The following CHODL variants were observed in gnomAD, a reference collection of about 807,000 sequenced individuals.
The protein encoded by CHODL is transmembrane protein MT75.
Under a neutral mutation model 34.5 loss-of-function variants are expected in CHODL, and 29 were observed. The observed-to-expected ratio is 0.84, with a 90% CI of 0.63 to 1.15. CHODL has a LOEUF of 1.15. Ranked by LOEUF, CHODL falls within the 50% of genes most tolerant of loss-of-function variation. CHODL has a pLI of 0.00. For missense variants in CHODL, 332 were observed against 332.5 expected (o/e 1.00, Z 0.01); for synonymous variants, 125 against 116.1 (o/e 1.08, Z -0.49).
Position 18,255,377 on chromosome 21 carries a change from C to T in CHODL, c.80-1132C>T, listed in dbSNP as rs149742366. Among the ~76,000 whole-genome samples the T allele has an allele frequency of 3.4e-3, 513 of 152,060 alleles. 2 individuals carry two copies. The highest frequency in any genetic ancestry group is 0.011 in the African/African-American group (457 of 41,526). ...ATACTATTACTTTCAAACTCATAAA[C>T]GAATGAATGGAACATTTCTAAGGTT... On this transcript the variant is annotated intron_variant, in intron 1 of 5. Coordinates refer to ENST00000299295, the MANE Select transcript of CHODL (RefSeq NM_024944.3).
intron 2 of CHODL, chr21:18,100,014 T>TA (rs1422559377): frequency 6.6e-6 from 1 of 151,804 alleles, no homozygotes. Flanking sequence ...CTAGACTGGA[T>TA]AAATCTAAGG....
At chr21:18,179,207 C>G (rs9305848) in intron 2 of CHODL, among the ~76,000 whole-genome samples, 1 of 152,048 alleles carries the variant, frequency 6.6e-6, no homozygotes, top group African/African-American at 2.4e-5. Flanking sequence ...GAAAAAATCT[C>G]GGTCAGGTTT....
At chr21:18,167,249 G>T (rs982298354) in intron 2 of CHODL, among the ~76,000 whole-genome samples, 16 of 138,272 alleles carry the variant, frequency 1.2e-4, no homozygotes, top group African/African-American at 3.9e-4. Flanking sequence ...GTGTGTGTGT[G>T]TGTGTGTATT....
In CHODL at chr21:18,026,010, C is replaced by T. The variant is rs183342029; in HGVS notation, c.-144-1862C>T. The stretch of plus-strand genomic sequence containing the variant: ...ACTTCAACATATAAATTTTGGGTGA[C>T]ACGATTCAGCCCCTAACAATTGGTT... On this transcript the variant is annotated intron_variant, in intron 1 of 6. Coordinates refer to the CHODL transcript ENST00000400127. 5.9e-5 allele frequency among the ~76,000 whole-genome samples: 9 copies of T among 152,292 alleles called. No individual in the cohort carries two copies. In the East Asian group the frequency reaches 1.2e-3, roughly 20 times the overall value.
chr21:18,014,860 G>T (rs1038862876), intron 1 of CHODL, among the ~76,000 whole-genome samples: 2 of 152,246 alleles, frequency 1.3e-5, no homozygotes, highest in Admixed American at 1.3e-4. Flanking sequence ...CAAGGCTGAG[G>T]TATTTCTTTA....
rs540117189 is a variant in CHODL at position 18,237,449 on chromosome 21, C to A, written c.-44-19060C>A. On this transcript the variant is annotated intron_variant, in intron 2 of 6. Coordinates refer to the CHODL transcript ENST00000400127. Reference sequence around the variant, plus strand: ...ACCTCCCCCTTTGCAAGCCTGACATCCTTGAGTGTTAGCAAAGGAAAGGAA... The same window carrying A: ...ACCTCCCCCTTTGCAAGCCTGACATACTTGAGTGTTAGCAAAGGAAAGGAA... 3.9e-5 allele frequency among the ~76,000 whole-genome samples: 6 copies of A among 152,202 alleles called. No homozygotes were observed. In the South Asian group the frequency reaches 8.3e-4, roughly 21 times the overall value.
intron 1 of CHODL, among the ~76,000 whole-genome samples, chr21:17,989,726 A>C (rs2063782114): frequency 6.6e-6 from 1 of 152,178 alleles, no homozygotes; most frequent in Admixed American, 6.5e-5. Context: ...TGTTTCAATT[A>C]ATGCAAGGCT....
chr21:18,120,141 G>A (rs1010470187), intron 2 of CHODL, among the ~76,000 whole-genome samples: 1 of 152,072 alleles, frequency 6.6e-6, no homozygotes, highest in African/African-American at 2.4e-5. Context: ...AGATCTTTGA[G>A]ATAAGAATTG....
chr21:18,132,908 T>C (rs1304669543), intron 2 of CHODL, among the ~76,000 whole-genome samples: 1 of 152,164 alleles, frequency 6.6e-6, no homozygotes, highest in Non-Finnish European at 1.5e-5. Flanking sequence ...GATTATCTAG[T>C]ATAATACACT....
chr21:18,166,861 T>TCAAA (rs1601094625), intron 2 of CHODL, among the ~76,000 whole-genome samples: 2 of 152,172 alleles, frequency 1.3e-5, no homozygotes, highest in East Asian at 3.9e-4. Flanking sequence ...CATGTGGAAC[T>TCAAA]GTGAAGAATT....
chr21:18,063,233 A>T (rs2064690789), intron 2 of CHODL, among the ~76,000 whole-genome samples: 1 of 152,220 alleles, frequency 6.6e-6, no homozygotes, highest in East Asian at 1.9e-4. Context: ...AATGTAGAAG[A>T]ACTGCTGGTT....
chr21:17,964,328 T>C (rs2146355251), intron 1 of CHODL, among the ~76,000 whole-genome samples: 1 of 152,340 alleles, frequency 6.6e-6, no homozygotes, highest in Admixed American at 6.5e-5. Context: ...TGAATTCATA[T>C]ACATAGAAAC....
chr21:18,030,349 T>C (rs2064233224), intron 2 of CHODL, among the ~76,000 whole-genome samples: 1 of 152,142 alleles, frequency 6.6e-6, no homozygotes, highest in African/African-American at 2.4e-5. Flanking sequence ...GTTTGTTAAC[T>C]CATGTGAGTG....
intron 2 of CHODL, among the ~76,000 whole-genome samples, chr21:18,158,025 A>G (rs953988850): frequency 1.3e-5 from 2 of 151,490 alleles, no homozygotes; most frequent in African/African-American, 2.4e-5. Flanking sequence ...AGATGGTTTT[A>G]TAGCGTGCTT....
chr21:18,091,494 G>A (rs900537243), intron 2 of CHODL, among the ~76,000 whole-genome samples: 2 of 152,178 alleles, frequency 1.3e-5, no homozygotes, highest in Admixed American at 6.5e-5. Context: ...AGTGTATGGA[G>A]GACTTTGTCT....
intron 2 of CHODL, among the ~76,000 whole-genome samples, chr21:18,092,317 C>T (rs1238693668): frequency 6.6e-6 from 1 of 152,170 alleles, no homozygotes; most frequent in Admixed American, 6.5e-5. Context: ...GGCTTGGGGC[C>T]TAAGTCCCCT....
At chr21:18,041,738 T>C (rs1410178785) in intron 2 of CHODL, among the ~76,000 whole-genome samples, 1 of 151,950 alleles carries the variant, frequency 6.6e-6, no homozygotes. Context: ...TCTTTTTCTT[T>C]TAAAATGAGT....
chr21:18,146,561 T>G (rs1414092534), intron 2 of CHODL, among the ~76,000 whole-genome samples: 2 of 152,128 alleles, frequency 1.3e-5, no homozygotes, highest in African/African-American at 4.8e-5. Flanking sequence ...GGACGTTGTT[T>G]GCTTCCCCTT....
At chr21:18,122,117 A>C (rs1391982998) in intron 2 of CHODL, among the ~76,000 whole-genome samples, 1 of 152,204 alleles carries the variant, frequency 6.6e-6, no homozygotes, top group East Asian at 1.9e-4. Context: ...TGAAGAATTT[A>C]GTTTTATGAT....
Sources: allele counts gnomAD v4.1 joint callset (sites outside exome capture counted in the v4.1 genomes callset), GRCh38; gene constraint gnomAD v4.1.1; transcripts MANE v1.5; gene names NCBI Gene and HGNC (gene_info 2026-07-23, HGNC 2026-07-21).